The following PSMB1 variants were observed in gnomAD, a reference collection of about 807,000 sequenced individuals.
PSMB1 encodes proteasome 20S subunit beta 1, also known as proteasome subunit beta type-1.
A neutral mutation model predicts 25.4 loss-of-function variants in PSMB1; 7 were observed. That is an observed-to-expected ratio of 0.28 (90% CI 0.16 to 0.52). PSMB1 has a LOEUF of 0.52. PSMB1 is among the 20% of genes least tolerant of loss of function. The pLI, the probability that PSMB1 is intolerant of heterozygous loss-of-function variation, is 0.97. For synonymous variants in PSMB1, 119 were observed against 115.0 expected, an observed-to-expected ratio of 1.03 and a Z score of -0.22; for missense variants, 284 against 302.2, an observed-to-expected ratio of 0.94 and a Z score of 0.45.
At chr6:170,540,358 A>C (rs1277756809) in intron 4 of PSMB1, among the ~76,000 whole-genome samples, 1 of 152,162 alleles carries the variant, frequency 6.6e-6, no homozygotes, top group Non-Finnish European at 1.5e-5. Context: ...GATGTAAACA[A>C]AACACAGACC....
chr6:170,551,112 G>A (rs1778894120), intron 1 of PSMB1, among the ~76,000 whole-genome samples: 1 of 152,032 alleles, frequency 6.6e-6, no homozygotes, highest in African/African-American at 2.4e-5. Context: ...GCTGCACTCC[G>A]GCCTGGGTGA....
rs1778815804 is a variant in PSMB1 at position 170,546,174 on chromosome 6, T to C, written c.232A>G (p.Thr78Ala). The change falls in exon 3 of 6, where the codon ACA becomes GCA. Residue 78 changes from threonine to alanine, a missense_variant. Coordinates refer to ENST00000262193, the MANE Select transcript of PSMB1 (RefSeq NM_002793.4). Reference sequence around the variant, plus strand: ...TGAAAACCGCTGCATCCAATGACTGTTTTGTCTGTTCTGTAAAAAGCACAT... The same window carrying C: ...TGAAAACCGCTGCATCCAATGACTGCTTTGTCTGTTCTGTAAAAAGCACAT... ...SPKCYKLTDK[T>A]VIGCSGFHGD... 2 of 1,613,880 alleles carry C rather than the reference T, an allele frequency of 1.2e-6. No homozygotes were observed. Among genetic ancestry groups the C allele is most frequent in the East Asian group, 2.2e-5 (1 of 44,858 alleles).
Position 170,536,170 on chromosome 6 carries a change from T to C in PSMB1, c.541-765A>G, listed in dbSNP as rs1026770638. The C allele has an allele frequency of 2.2e-5, 7 of 319,740 alleles. No homozygotes were observed. In the Admixed American group the frequency reaches 2.6e-4, roughly 12 times the overall value. The allele number at this position is 319,740 out of a possible 1,614,324, so 19.8% of individuals were successfully genotyped here. A position where few individuals can be genotyped will look rare whatever the true frequency, so the allele number is the denominator to read the frequency against. ...TTTCAGTAAACACACTGAGAAGTTT[T>C]TGGAGACTCGCAACACTTTGAAAAA... On this transcript the variant is annotated intron_variant, in intron 5 of 5. Transcript: ENST00000262193.
intron 4 of PSMB1, among the ~76,000 whole-genome samples, chr6:170,541,652 A>C (rs1427429116): frequency 6.6e-6 from 1 of 152,202 alleles, no homozygotes. Context: ...ATTCACACAA[A>C]TTCCTCTATA....
At chr6:170,536,299 C>T (rs1778692037) in intron 5 of PSMB1, 1 of 438,594 alleles carries the variant, frequency 2.3e-6, no homozygotes, top group Admixed American at 2.6e-5. Flanking sequence ...TCATTTACTA[C>T]CATAAAATAC....
intron 2 of PSMB1, among the ~76,000 whole-genome samples, chr6:170,547,754 A>G (rs1410570055): frequency 6.6e-6 from 1 of 152,202 alleles, no homozygotes; most frequent in African/African-American, 2.4e-5. Flanking sequence ...ATACAGTCTG[A>G]AACAGGTTTG....
chr6:170,539,956 A>C (rs1176591767), intron 4 of PSMB1, among the ~76,000 whole-genome samples: 1 of 151,088 alleles, frequency 6.6e-6, no homozygotes, highest in African/African-American at 2.5e-5. Context: ...CTCCTTGATA[A>C]TACATAATGT....
Position 170,553,293 on chromosome 6 carries a change from C to T in PSMB1, c.-51G>A, listed in dbSNP as rs780014344. On this transcript the variant is annotated 5_prime_UTR_variant, in exon 1 of 6. Coordinates refer to ENST00000262193, the MANE Select transcript of PSMB1 (RefSeq NM_002793.4). ...CACTTGCTGTCTCACGGCGAGATGG[C>T]TGCCTTGACCGGACGTTACGCCACT... 7.2e-7 allele frequency: 1 copy of T among 1,382,048 alleles called. No individual in the cohort carries two copies. Among genetic ancestry groups the T allele is most frequent in the South Asian group, 1.2e-5 (1 of 82,350 alleles). The allele number at this position is 1,382,048 out of a possible 1,614,324, so 85.6% of individuals were successfully genotyped here.
intron 1 of PSMB1, among the ~76,000 whole-genome samples, chr6:170,552,276 A>G (rs553442177): frequency 5.3e-5 from 8 of 152,314 alleles, no homozygotes; most frequent in African/African-American, 1.9e-4. Flanking sequence ...ATTTTAATGT[A>G]CAAGGCTTGA....
intron 1 of PSMB1, among the ~76,000 whole-genome samples, chr6:170,551,938 A>G (rs1185113872): frequency 5.3e-5 from 8 of 152,266 alleles, no homozygotes; most frequent in Admixed American, 3.9e-4. Context: ...TTTAGGTTCA[A>G]GAAGTTCAGA....
chr6:170,549,671 A>G (rs1380546283), intron 1 of PSMB1: 2 of 152,234 alleles, frequency 1.3e-5, no homozygotes, highest in East Asian at 1.9e-4. Context: ...AGAGACTTAC[A>G]GTAGAATTCC....
At chr6:170,537,979 C>T (rs1298967575) in intron 4 of PSMB1, among the ~76,000 whole-genome samples, 5 of 152,174 alleles carry the variant, frequency 3.3e-5, no homozygotes, top group African/African-American at 9.7e-5. Flanking sequence ...CCGCAAGACA[C>T]AGTAAAACGA....
At chr6:170,545,906 T>G (rs1778811202) in intron 3 of PSMB1, among the ~76,000 whole-genome samples, 197 bp downstream of exon 3, 1 of 152,234 alleles carries the variant, frequency 6.6e-6, no homozygotes, top group Non-Finnish European at 1.5e-5. Flanking sequence ...ACAAATGGAA[T>G]GTGCTGCTGT....
chr6:170,542,824 T>A (rs908016693), intron 4 of PSMB1, among the ~76,000 whole-genome samples: 1 of 152,122 alleles, frequency 6.6e-6, no homozygotes, highest in African/African-American at 2.4e-5. Flanking sequence ...TCCAATGATA[T>A]CCTCATCTAG....
chr6:170,552,994 G>C (rs1233879732), intron 1 of PSMB1, 136 bp downstream of exon 1: 1 of 694,708 alleles, frequency 1.4e-6, no homozygotes, highest in African/African-American at 1.8e-5. Flanking sequence ...GACCGGCCTT[G>C]TGCGGACCCC....
chr6:170,547,955 T>C (rs1262901659), intron 2 of PSMB1, among the ~76,000 whole-genome samples: 1 of 150,188 alleles, frequency 6.7e-6, no homozygotes, highest in East Asian at 2.0e-4. Flanking sequence ...GAGTAAAAGC[T>C]AGTACAAGGA....
rs138723558 is a variant in PSMB1 at position 170,545,828 on chromosome 6, CAGA to C, written c.303+272_303+274del. Among the ~76,000 whole-genome samples, 1,105 of 152,298 alleles carry C rather than the reference CAGA, an allele frequency of 7.3e-3. 20 individuals are homozygous for C. The highest frequency in any genetic ancestry group is 0.023 in the African/African-American group (950 of 41,564). On this transcript the variant is annotated intron_variant, in intron 3 of 5. Transcript: ENST00000262193. Reference sequence around the variant, plus strand: ...TTTGTTTTTGAGGGAAGAGTATCTTCAGAAGAAGAACTCCTCCCAGGCTCCTTC... The same window carrying C: ...TTTGTTTTTGAGGGAAGAGTATCTTCAGAAGAACTCCTCCCAGGCTCCTTC...
intron 5 of PSMB1, chr6:170,536,383 T>C (rs1246153566): frequency 4.4e-6 from 2 of 449,530 alleles, no homozygotes; most frequent in Non-Finnish European, 8.9e-6. Flanking sequence ...TTAGTGCGAT[T>C]ATTATAAACC....
At chr6:170,548,961 T>A in intron 2 of PSMB1, 45 bp downstream of exon 2, 1 of 1,363,472 alleles carries the variant, frequency 7.3e-7, no homozygotes, top group Non-Finnish European at 1.0e-6. Flanking sequence ...CAACATCAAA[T>A]CATTACAAAG....
Sources: allele counts gnomAD v4.1 joint callset (sites outside exome capture counted in the v4.1 genomes callset), GRCh38; gene constraint gnomAD v4.1.1; transcripts MANE v1.5; gene names NCBI Gene and HGNC (gene_info 2026-07-23, HGNC 2026-07-21).